Variants in PDXDC1 observed in about 807,000 individuals in gnomAD.
PDXDC1 encodes pyridoxal dependent decarboxylase domain containing 1, also known as pyridoxal-dependent decarboxylase domain-containing protein 1.
Under a neutral mutation model 100.1 loss-of-function variants are expected in PDXDC1, and 42 were observed. That is an observed-to-expected ratio of 0.42 (90% CI 0.33 to 0.54). The LOEUF (loss-of-function observed/expected upper bound fraction) is 0.54. Ranked by LOEUF, PDXDC1 falls within the 20% of genes least tolerant of loss-of-function variation. The probability of loss-of-function intolerance (pLI) is 0.10; values close to 1 mark genes in which losing one functional copy is unlikely to be tolerated. For missense variants in PDXDC1, 636 were observed against 979.2 expected, an observed-to-expected ratio of 0.65 and a Z score of 4.68; for synonymous variants, 260 against 371.7, an observed-to-expected ratio of 0.70 and a Z score of 3.46.
At position 15,133,181 on chromosome 16, in the gene PDXDC1, C is replaced by T. The variant is rs1023328526; in HGVS notation, c.1400-5698C>T. On this transcript the variant is annotated intron_variant, in intron 16 of 16. Coordinates refer to the PDXDC1 transcript ENST00000535621. Reference sequence around the variant, plus strand: ...TCTCTGGGGCCCGGGATAAGCCCTCCGCAAAGCTCCAGGCAGGGGTACAGG... The same window carrying T: ...TCTCTGGGGCCCGGGATAAGCCCTCTGCAAAGCTCCAGGCAGGGGTACAGG... The T allele has an allele frequency of 1.3e-4, 126 of 1,004,308 alleles. 1 individual carries two copies. Among genetic ancestry groups the T allele is most frequent in the African/African-American group, 2.7e-4 (17 of 62,958 alleles). 62.2% of individuals were successfully genotyped at this position (1,004,308 alleles called of 1,614,324 possible).
At chr16:15,127,123 C>G (rs1219849189) in intron 16 of PDXDC1, 5 of 362,510 alleles carry the variant, frequency 1.4e-5, no homozygotes, top group African/African-American at 4.2e-5. Flanking sequence ...CTAACTCGGC[C>G]TCTTCACTTG....
intron 16 of PDXDC1, chr16:15,074,716 G>A: frequency 6.2e-7 from 1 of 1,609,276 alleles, no homozygotes; most frequent in Non-Finnish European, 8.5e-7. Context: ...TAGCTACTGT[G>A]ATTTACCATC....
chr16:15,112,590 AT>A (rs1208247113), intron 16 of PDXDC1, among the ~76,000 whole-genome samples: 1 of 151,874 alleles, frequency 6.6e-6, no homozygotes, highest in Non-Finnish European at 1.5e-5. Flanking sequence ...TAAAAAAAAA[AT>A]CATGTACTAG....
At chr16:15,133,166 C>G (rs2048189868) in intron 16 of PDXDC1, 2 of 891,750 alleles carry the variant, frequency 2.2e-6, no homozygotes, top group Non-Finnish European at 3.5e-6. Context: ...TCTCTGGGGC[C>G]CGGGATAAGC....
At chr16:15,049,758 G>A (rs888289235) in intron 16 of PDXDC1, among the ~76,000 whole-genome samples, 1 of 152,176 alleles carries the variant, frequency 6.6e-6, no homozygotes, top group African/African-American at 2.4e-5. Context: ...AAAGCTGGGA[G>A]CAGCAATGGA....
In PDXDC1 at chr16:15,036,061, G is replaced by T; in HGVS notation, c.2153G>T (p.Ser718Ile). The change falls in exon 23 of 23, where the codon AGT (serine) becomes ATT (isoleucine). Residue 718 changes from serine (S) to isoleucine (I), a missense_variant. Ser to Ile is a moderately radical substitution (Grantham distance 142). This residue lies in a region of PDXDC1 where 452 missense variants were observed against 402.9 expected (regional missense o/e 1.12). Transcript: ENST00000396410. ...TCCCTGCGAGGTTCAGATGCTTTGA[G>T]TGAGACCAGCTCAGTCAGTCACATT... is the stretch of plus-strand genomic sequence containing the variant. ...KRSLRGSDAL[S>I]ETSSVSHIED... The T allele has an allele frequency of 1.9e-6, 3 of 1,614,156 alleles. No homozygotes were observed. The highest frequency in any genetic ancestry group is 2.5e-6 in the Non-Finnish European group (3 of 1,180,000).
chr16:15,072,858 A>T, intron 16 of PDXDC1: 2 of 1,258,352 alleles, frequency 1.6e-6, no homozygotes, highest in Non-Finnish European at 2.3e-6. Context: ...AGAATTATTT[A>T]CTTCATGGTC....
chr16:15,092,742 C>CCA (rs1166100075), intron 16 of PDXDC1: 1 of 644,736 alleles, frequency 1.6e-6, no homozygotes, highest in Non-Finnish European at 2.8e-6. Context: ...CTCCCTGCTT[C>CCA]CACTCTTAAC....
chr16:15,048,105 T>TA, intron 16 of PDXDC1: 1 of 1,557,568 alleles, frequency 6.4e-7, no homozygotes, highest in Non-Finnish European at 8.8e-7. Flanking sequence ...CTTTCCTGTT[T>TA]AATTAAAAAA....
rs906702536 is a variant in PDXDC1, at chr16:15,132,863, G to A, written c.1400-6016G>A. On this transcript the variant is annotated intron_variant, in intron 16 of 16. Transcript: ENST00000535621. ...CTTGGGCTCTGCCGCCACGTCCAGG[G>A]CCCGCTCGTACTGGGGCAGGCAGGC... is the stretch of plus-strand genomic sequence containing the variant. 2.5e-6 allele frequency: 4 copies of A among 1,589,396 alleles called. No homozygotes were observed. In the African/African-American group the frequency reaches 4.0e-5, roughly 16 times the overall value.
At chr16:15,033,140 G>A in intron 18 of PDXDC1, 138 bp from the exon 19 acceptor site, 1 of 1,072,344 alleles carries the variant, frequency 9.3e-7, no homozygotes, top group Non-Finnish European at 1.4e-6. Context: ...AGCCTTGCCA[G>A]GCCTTTCTCT....
In PDXDC1 at chr16:14,988,186, G is replaced by C. The variant is rs1597316350; in HGVS notation, c.22-9567G>C. 3.1e-6 allele frequency: 5 copies of C among 1,601,752 alleles called. No individual in the cohort carries two copies. In the East Asian group the frequency reaches 1.1e-4, roughly 36 times the overall value. The stretch of plus-strand genomic sequence containing the variant: ...GGCGGGTGCTTCCAAAGGATCCCTT[G>C]CTCCTGGCAGTGGGACTTTCAGTGC... On this transcript the variant is annotated intron_variant, in intron 1 of 22. Transcript: ENST00000396410.
chr16:15,010,291 G>T (rs1309820148), intron 8 of PDXDC1: 1 of 156,872 alleles, frequency 6.4e-6, no homozygotes, highest in Non-Finnish European at 1.4e-5. Context: ...CAGGTGATCC[G>T]CCTGCCTCAG....
At chr16:15,145,571 G>A in the PDXDC1 span, among the ~76,000 whole-genome samples, 2 of 152,266 alleles carry the variant, frequency 1.3e-5, no homozygotes, top group African/African-American at 2.4e-5. Context: ...GGCTGGGCCA[G>A]GGCTGGGCCT....
intron 1 of PDXDC1, among the ~76,000 whole-genome samples, chr16:14,984,456 T>A (rs1213303601): frequency 5.1e-5 from 7 of 138,358 alleles, no homozygotes; most frequent in African/African-American, 1.6e-4. Context: ...AGAGAGAGAG[T>A]GTGTGTGTGT....
chr16:15,037,616 G>A lies in PDXDC1; in HGVS notation c.*1341G>A, dbSNP rs2043554207. On this transcript the variant is annotated 3_prime_UTR_variant, in exon 23 of 23. Coordinates refer to ENST00000396410, the MANE Select transcript of PDXDC1 (RefSeq NM_015027.4). Reference sequence around the variant, plus strand: ...ATATATATTTGGAATTGTTAAATTGGTTTTGCTGAAACATTTCACCCTTGA... The same window carrying A: ...ATATATATTTGGAATTGTTAAATTGATTTTGCTGAAACATTTCACCCTTGA... The A allele has an allele frequency of 6.4e-6, 1 of 156,126 alleles. No individual in the cohort carries two copies. Among genetic ancestry groups the A allele is most frequent in the Non-Finnish European group, 1.4e-5 (1 of 71,064 alleles). The allele number at this position is 156,126 out of a possible 1,614,324, so 9.7% of individuals were successfully genotyped here.
chr16:15,102,945 T>C lies in PDXDC1; in HGVS notation c.1400-35934T>C, dbSNP rs979994285. ...GAGAGATACGCTGTCTCAAAGGAAA[T>C]ACAAATTAAAAAACCAGCCGGGCAT... On this transcript the variant is annotated intron_variant, in intron 16 of 16. Transcript: ENST00000535621. 3.4e-5 allele frequency among the ~76,000 whole-genome samples: 5 copies of C among 145,204 alleles called. 1 individual carries two copies. The highest frequency in any genetic ancestry group is 1.3e-4 in the African/African-American group (5 of 37,140).
chr16:15,022,475 A>G (rs1203238190), intron 12 of PDXDC1, among the ~76,000 whole-genome samples: 2 of 152,290 alleles, frequency 1.3e-5, no homozygotes, highest in African/African-American at 2.4e-5. Context: ...ACAGATTTCC[A>G]TGTCTTATTA....
In PDXDC1 at chr16:15,033,328, G is replaced by A. The variant is rs770438568; in HGVS notation, c.1741G>A (p.Asp581Asn). 16 of 1,614,050 alleles carry A rather than the reference G, an allele frequency of 9.9e-6. No individual in the cohort carries two copies. Among genetic ancestry groups the A allele is most frequent in the South Asian group, 3.3e-5 (3 of 91,090 alleles). ...KSCLYVGMAS[D>N]NVDAAELVET... ...CTGCCTTTATGTCGGCATGGCGAGC[G>A]ACAACGTCGATGCTGCTGAGCTCGT... The change falls in exon 19 of 23, where the codon GAC becomes AAC. Residue 581 changes from aspartate (D) to asparagine (N), a missense_variant. Physicochemically the swap from Asp to Asn is conservative, Grantham distance 23 (BLOSUM62 1). Coordinates refer to ENST00000396410, the MANE Select transcript of PDXDC1 (RefSeq NM_015027.4).
Sources: gnomAD v4.1 joint callset for allele counts (sites outside exome capture counted in the v4.1 genomes callset) on GRCh38, gnomAD v4.1.1 for gene constraint, gnomAD v4.1.1 regional missense constraint, MANE v1.5 for transcripts, NCBI Gene and HGNC (gene_info 2026-07-23, HGNC 2026-07-21) for gene names.